PUSL1: variants seen among roughly 807,000 people sequenced by gnomAD.
PUSL1 encodes tRNA pseudouridine synthase-like 1.
A neutral mutation model predicts 30.7 loss-of-function variants in PUSL1; 51 were observed. That is an observed-to-expected ratio of 1.66 (90% CI 1.33 to 2.10). The LOEUF (loss-of-function observed/expected upper bound fraction) is 2.10. Ranked by LOEUF, PUSL1 falls within the 30% of genes most tolerant of loss-of-function variation. The pLI is 0.00. For missense variants in PUSL1, 609 were observed against 427.6 expected (o/e 1.42, Z -3.74); for synonymous variants, 290 against 192.1 (o/e 1.51, Z -4.21).
At position 1,311,062 on chromosome 1, in the gene PUSL1, G is replaced by A. The variant is rs372351650; in HGVS notation, c.853G>A (p.Gly285Arg). The A allele has an allele frequency of 1.9e-4, 301 of 1,599,040 alleles. 1 individual carries two copies. The South Asian group carries it at 2.4e-3, about 13-fold the overall frequency. Residue 285 changes from glycine (G) to arginine (R), a missense_variant, in exon 7 of 8, where the codon GGG becomes AGG. By Grantham distance (125) the Gly-to-Arg change is moderately radical. Transcript: ENST00000379031. ...CTTATTCCTCAAGTCAGTGCTGTACGGGAACCTCGGTAAGAAAAACAGGCA... is the reference window on the plus strand; with the variant it reads ...CTTATTCCTCAAGTCAGTGCTGTACAGGAACCTCGGTAAGAAAAACAGGCA... ...HGLFLKSVLY[G>R]NLGAASCTLQ...
intron 7 of PUSL1, 93 bp from the exon 8 acceptor site, chr1:1,311,237 G>A (rs1452609879): frequency 1.4e-6 from 2 of 1,414,258 alleles, no homozygotes; most frequent in Middle Eastern, 2.0e-4. Flanking sequence ...TCCTGGGCTG[G>A]CCCACTCCCT....
chr1:1,309,810 C>T lies in PUSL1; in HGVS notation c.603C>T (p.Ser201=). ...GAACGCTGCGCCGGGTCTCCGTTTCCCCAGGCCAAGCCAGCCCCTTGGTCA... is the reference window on the plus strand; with the variant it reads ...GAACGCTGCGCCGGGTCTCCGTTTCTCCAGGCCAAGCCAGCCCCTTGGTCA... The part of the protein sequence containing the change: ...PVRTLRRVSV[S]PGQASPLVTP... The change falls in exon 5 of 8, where the codon TCC becomes TCT. Residue 201 remains serine, a synonymous_variant. Transcript: ENST00000379031. The T allele has an allele frequency of 6.4e-7, 1 of 1,551,318 alleles. No homozygotes were observed. The highest frequency in any genetic ancestry group is 8.7e-7 in the Non-Finnish European group (1 of 1,147,226).
chr1:1,309,429 C>T (rs374366798), intron 3 of PUSL1, 25 bp from the exon 4 acceptor site: 6 of 1,572,150 alleles, frequency 3.8e-6, no homozygotes, highest in Non-Finnish European at 5.2e-6. Flanking sequence ...GTCGTTCCTC[C>T]GGTGAGCTTT....
chr1:1,310,821 G>A (rs780188351), intron 6 of PUSL1, 88 bp from the exon 7 acceptor site: 11 of 1,612,308 alleles, frequency 6.8e-6, no homozygotes, highest in African/African-American at 1.3e-5. Context: ...GGTGGGTCAC[G>A]GGCGGCTCTG....
rs372019132 is a variant in PUSL1 at position 1,311,268 on chromosome 1, C to T, written c.863-62C>T. The T allele has an allele frequency of 2.5e-3, 3,695 of 1,462,578 alleles. 8 individuals are homozygous for T. Among genetic ancestry groups the T allele is most frequent in the Non-Finnish European group, 2.8e-3 (3,083 of 1,094,852 alleles). 90.6% of individuals were successfully genotyped at this position (1,462,578 alleles called of 1,614,324 possible). A position where few individuals can be genotyped will look rare whatever the true frequency, so the allele number is the denominator to read the frequency against. On this transcript the variant is annotated intron_variant, in intron 7 of 7. Coordinates refer to ENST00000379031, the MANE Select transcript of PUSL1 (RefSeq NM_153339.3). The stretch of plus-strand genomic sequence containing the variant: ...TCCCTGGTCATGGGAGTGGTCTCAG[C>T]GGTGGGGAGGGTGCTGGGCCGGTCT...
At chr1:1,310,152 G>T in intron 5 of PUSL1, 1 of 440,282 alleles carries the variant, frequency 2.3e-6, no homozygotes, top group Non-Finnish European at 4.1e-6. Context: ...TTCTGGTGGG[G>T]TGGTTTCTGC....
At position 1,308,666 on chromosome 1, in the gene PUSL1, G is replaced by A. The variant is rs770842424; in HGVS notation, c.23G>A (p.Gly8Asp). 7.1e-6 allele frequency: 11 copies of A among 1,544,684 alleles called. No individual in the cohort carries two copies. The African/African-American group carries it at 8.6e-5, about 12-fold the overall frequency. Reference sequence around the variant, plus strand: ...GCCATGAGTTCGGCGCCGGCCTCAGGCTCCGTGCGCGCGCGCTATCTTGTG... The same window carrying A: ...GCCATGAGTTCGGCGCCGGCCTCAGACTCCGTGCGCGCGCGCTATCTTGTG... MSSAPAS[G>D]SVRARYLVYF... is the part of the protein sequence containing the mutation. Residue 8 changes from glycine to aspartate, a missense_variant, in exon 1 of 8, where the codon GGC becomes GAC. By Grantham distance (94) the Gly-to-Asp change is moderately conservative. Coordinates refer to ENST00000379031, the MANE Select transcript of PUSL1 (RefSeq NM_153339.3).
Position 1,309,252 on chromosome 1 carries a change from A to C in PUSL1, c.302A>C (p.His101Pro), listed in dbSNP as rs554322863. The change falls in exon 3 of 8, where the codon CAC becomes CCC. Residue 101 changes from histidine (H) to proline (P), a missense_variant. By Grantham distance (77) the His-to-Pro change is moderately conservative. Transcript: ENST00000379031. Reference protein sequence around the residue: ...PEVLAEALNTHLRHPAIRVLR... With the variant: ...PEVLAEALNTPLRHPAIRVLR... Reference sequence around the variant, plus strand: ...GTCCTGGCCGAGGCCCTCAACACACACCTGCGGCACCCGGCCATCAGGTGA... The same window carrying C: ...GTCCTGGCCGAGGCCCTCAACACACCCCTGCGGCACCCGGCCATCAGGTGA... 2.0e-6 allele frequency: 3 copies of C among 1,491,544 alleles called. No homozygotes were observed. The highest frequency in any genetic ancestry group is 4.7e-5 in the East Asian group (2 of 42,144). The allele number at this position is 1,491,544 out of a possible 1,614,324, so 92.4% of individuals were successfully genotyped here.
At position 1,311,577 on chromosome 1, in the gene PUSL1, A is replaced by G. The variant is rs1305817724; in HGVS notation, c.*198A>G. On this transcript the variant is annotated 3_prime_UTR_variant, in exon 8 of 8. Transcript: ENST00000379031. Reference sequence around the variant, plus strand: ...CACAGTGCAGGACACAGCCATGTACACCAAGAAGAGAGTACCAAGTAGTCT... The same window carrying G: ...CACAGTGCAGGACACAGCCATGTACGCCAAGAAGAGAGTACCAAGTAGTCT... 1.7e-5 allele frequency: 12 copies of G among 725,096 alleles called. No individual in the cohort carries two copies. The highest frequency in any genetic ancestry group is 7.4e-6 in the Non-Finnish European group (3 of 406,252). 44.9% of individuals were successfully genotyped at this position (725,096 alleles called of 1,614,324 possible).
Position 1,309,022 on chromosome 1 carries a change from C to T in PUSL1, c.135+50C>T. ...CCCGGTGAGGGGTAAGGGGGAGGCT[C>T]CCGCCCGCGCGTCCCCGGGGTCCGG... On this transcript the variant is annotated intron_variant, in intron 2 of 7. Coordinates refer to ENST00000379031, the MANE Select transcript of PUSL1 (RefSeq NM_153339.3). 4 of 1,387,970 alleles carry T rather than the reference C, an allele frequency of 2.9e-6. No homozygotes were observed. In the South Asian group the frequency reaches 4.9e-5, roughly 17 times the overall value. 86.0% of individuals were successfully genotyped at this position (1,387,970 alleles called of 1,614,324 possible).
Position 1,309,771 on chromosome 1 carries a change from G to A in PUSL1, c.564G>A (p.Val188=). 6.4e-7 allele frequency: 1 copy of A among 1,572,292 alleles called. No individual in the cohort carries two copies. Among genetic ancestry groups the A allele is most frequent in the Non-Finnish European group, 8.6e-7 (1 of 1,159,236 alleles). ...CCTTCCAGTCCGCTGGCAGCCCGGT[G>A]CCGAGCCCCGTGCGAACGCTGCGCC... ...FSAFQSAGSP[V]PSPVRTLRRV... Residue 188 remains valine (V), a synonymous_variant, in exon 5 of 8, where the codon GTG becomes GTA. Coordinates refer to ENST00000379031, the MANE Select transcript of PUSL1 (RefSeq NM_153339.3).
At chr1:1,309,909 C>G (rs1386157764) in intron 5 of PUSL1, 58 bp downstream of exon 5, 9 of 1,313,734 alleles carry the variant, frequency 6.9e-6, no homozygotes, top group Non-Finnish European at 9.2e-6. Context: ...GATTTTAGCT[C>G]CAGCACCTCC....
chr1:1,311,024 C>T lies in PUSL1; in HGVS notation c.815C>T (p.Ala272Val). The change falls in exon 7 of 8, where the codon GCC becomes GTC. Residue 272 changes from alanine (A) to valine (V), a missense_variant. Physicochemically the swap from Ala to Val is moderately conservative, Grantham distance 64 (BLOSUM62 0). Transcript: ENST00000379031. ...DPLGKHQTRVAPAHGLFLKSV... is the reference protein window; with the variant it reads ...DPLGKHQTRVVPAHGLFLKSV... Reference sequence around the variant, plus strand: ...CTGGGCAAGCACCAGACACGTGTAGCCCCAGCCCACGGCTTATTCCTCAAG... The same window carrying T: ...CTGGGCAAGCACCAGACACGTGTAGTCCCAGCCCACGGCTTATTCCTCAAG... The T allele has an allele frequency of 6.2e-7, 1 of 1,612,552 alleles. No individual in the cohort carries two copies. The highest frequency in any genetic ancestry group is 8.5e-7 in the Non-Finnish European group (1 of 1,179,734).
chr1:1,310,125 C>T (rs1036904338), intron 5 of PUSL1: 1 of 482,356 alleles, frequency 2.1e-6, no homozygotes, highest in African/African-American at 2.0e-5. Context: ...CTGGAAAGGT[C>T]TCACTGGTGC....
At position 1,309,767 on chromosome 1, in the gene PUSL1, C is replaced by CG; in HGVS notation, c.562dup (p.Val188GlyfsTer38). Reference sequence around the variant, plus strand: ...AGCGCCTTCCAGTCCGCTGGCAGCCCGGTGCCGAGCCCCGTGCGAACGCTG... The same window carrying CG: ...AGCGCCTTCCAGTCCGCTGGCAGCCCGGGTGCCGAGCCCCGTGCGAACGCTG... On this transcript the variant is annotated frameshift_variant, in exon 5 of 8. Transcript: ENST00000379031. LOFTEE classifies it high-confidence loss of function. 1 of 1,574,898 alleles carries CG rather than the reference C, an allele frequency of 6.3e-7. No homozygotes were observed. The highest frequency in any genetic ancestry group is 8.6e-7 in the Non-Finnish European group (1 of 1,160,644).
rs1641998640 is a variant in PUSL1, at chr1:1,309,746, C to T, written c.539C>T (p.Ala180Val). The change falls in exon 5 of 8, where the codon GCC becomes GTC. Residue 180 changes from alanine (A) to valine (V), a missense_variant. By Grantham distance (64) the Ala-to-Val change is moderately conservative. Transcript: ENST00000379031. Reference protein sequence around the residue: ...QHLLGTHDFSAFQSAGSPVPS... With the variant: ...QHLLGTHDFSVFQSAGSPVPS... ...CTCCTCGGCACACACGACTTCAGCG[C>T]CTTCCAGTCCGCTGGCAGCCCGGTG... is the stretch of plus-strand genomic sequence containing the variant. 3 of 1,594,562 alleles carry T rather than the reference C, an allele frequency of 1.9e-6. No individual in the cohort carries two copies. The highest frequency in any genetic ancestry group is 2.3e-5 in the East Asian group (1 of 43,864).
chr1:1,310,812 GT>G, intron 6 of PUSL1, 96 bp from the exon 7 acceptor site: 1 of 1,608,930 alleles, frequency 6.2e-7, no homozygotes, highest in South Asian at 1.1e-5. Flanking sequence ...GGCTGTGCTG[GT>G]GGGTCACGGG....
In PUSL1 at chr1:1,309,477, C is replaced by T. The variant is rs150020894; in HGVS notation, c.347C>T (p.Pro116Leu). The T allele has an allele frequency of 1.2e-6, 2 of 1,606,394 alleles. No individual in the cohort carries two copies. Among genetic ancestry groups the T allele is most frequent in the Admixed American group, 1.7e-5 (1 of 59,508 alleles). The change falls in exon 4 of 8, where the codon CCC becomes CTC. Residue 116 changes from proline to leucine, a missense_variant. Coordinates refer to ENST00000379031, the MANE Select transcript of PUSL1 (RefSeq NM_153339.3). The stretch of plus-strand genomic sequence containing the variant: ...AGGGTCCTGCGGGCCTTCCGAGTGC[C>T]CAGCGACTTCCACGCTCGTCACGCA... ...AIRVLRAFRV[P>L]SDFHARHAAT...
chr1:1,311,056 C>G lies in PUSL1; in HGVS notation c.847C>G (p.Leu283Val), dbSNP rs760596195. 5 of 1,606,052 alleles carry G rather than the reference C, an allele frequency of 3.1e-6. No homozygotes were observed. In the African/African-American group the frequency reaches 6.7e-5, roughly 22 times the overall value. Residue 283 changes from leucine to valine, a missense_variant, in exon 7 of 8, where the codon CTG (leucine) becomes GTG (valine). Transcript: ENST00000379031. The stretch of plus-strand genomic sequence containing the variant: ...CCACGGCTTATTCCTCAAGTCAGTG[C>G]TGTACGGGAACCTCGGTAAGAAAAA... ...PAHGLFLKSV[L>V]YGNLGAASCT... is the part of the protein sequence containing the mutation.
Sources: allele counts gnomAD v4.1 joint callset, GRCh38; gene constraint gnomAD v4.1.1; transcripts MANE v1.5; gene names NCBI Gene and HGNC (gene_info 2026-07-23, HGNC 2026-07-21).